The following SLCO3A1 variants were observed in gnomAD, a reference collection of about 807,000 sequenced individuals.
SLCO3A1 encodes the protein PGE1 transporter.
In SLCO3A1, 27 loss-of-function variants were observed where a neutral mutation model predicts 63.1. The observed-to-expected ratio is 0.43, with a 90% CI of 0.32 to 0.59. SLCO3A1 has a LOEUF of 0.59. Among genes scored for constraint, SLCO3A1 ranks in the 20% least tolerant of loss-of-function variants. SLCO3A1 has a pLI of 0.09. For missense variants in SLCO3A1, 773 were observed against 945.8 expected (o/e 0.82, Z 2.40); for synonymous variants, 473 against 409.9 (o/e 1.15, Z -1.86).
chr15:91,981,233 G>A (rs2045980295), intron 2 of SLCO3A1, among the ~76,000 whole-genome samples: 1 of 152,160 alleles, frequency 6.6e-6, no homozygotes, highest in Non-Finnish European at 1.5e-5. Flanking sequence ...TCCTTGCTCT[G>A]CCAGCCAGGG....
intron 7 of SLCO3A1, among the ~76,000 whole-genome samples, chr15:92,137,060 T>G (rs1311338667): frequency 6.7e-6 from 1 of 148,684 alleles, no homozygotes; most frequent in African/African-American, 2.5e-5. Flanking sequence ...GCCATGCTGG[T>G]GCGCTGCACC....
chr15:91,915,960 A>C, intron 1 of SLCO3A1, 33 bp from the exon 2 acceptor site: 1 of 1,560,976 alleles, frequency 6.4e-7, no homozygotes, highest in Non-Finnish European at 8.8e-7. Flanking sequence ...ATCTTCTTGG[A>C]TTGGCTCTGA....
chr15:92,068,792 T>C (rs1389346269), intron 2 of SLCO3A1, among the ~76,000 whole-genome samples: 1 of 152,206 alleles, frequency 6.6e-6, no homozygotes, highest in African/African-American at 2.4e-5. Context: ...GCTCCTCTTT[T>C]GAGCTACCTG....
At chr15:92,046,289 T>G (rs1400895661) in intron 2 of SLCO3A1, among the ~76,000 whole-genome samples, 1 of 151,736 alleles carries the variant, frequency 6.6e-6, no homozygotes, top group African/African-American at 2.4e-5. Flanking sequence ...CCGAGACGGA[T>G]GGGTCACTTG....
intron 2 of SLCO3A1, among the ~76,000 whole-genome samples, chr15:91,974,006 G>A (rs888258962): frequency 4.6e-5 from 7 of 152,154 alleles, no homozygotes; most frequent in Admixed American, 1.3e-4. Context: ...TGTGAGCCAG[G>A]CCTATTGGTA....
At chr15:92,077,254 T>G (rs149080375) in intron 2 of SLCO3A1, among the ~76,000 whole-genome samples, 2,000 of 152,186 alleles carry the variant, frequency 0.013, 42 homozygotes, top group African/African-American at 0.044. Flanking sequence ...AGCGAAACCA[T>G]ATCAGGGAGG....
chr15:92,147,786 T>C (rs734386), intron 8 of SLCO3A1, among the ~76,000 whole-genome samples: 61,672 of 152,064 alleles, frequency 0.41, 12,731 homozygotes, highest in Admixed American at 0.44. Context: ...GTGAAGTGCC[T>C]CAAAGAAAGA....
intron 2 of SLCO3A1, among the ~76,000 whole-genome samples, chr15:92,062,925 A>C (rs1364829347): frequency 6.6e-6 from 1 of 152,214 alleles, no homozygotes; most frequent in Non-Finnish European, 1.5e-5. Flanking sequence ...GTCAGAAGGT[A>C]CAGCTCTGTG....
intron 4 of SLCO3A1, among the ~76,000 whole-genome samples, chr15:92,107,801 G>T (rs563654673): frequency 6.6e-6 from 1 of 152,336 alleles, no homozygotes; most frequent in East Asian, 1.9e-4. Context: ...TAGGAGAGAA[G>T]GGGGCTGTCT....
chr15:91,968,337 C>T lies in SLCO3A1; in HGVS notation c.646+51879C>T, dbSNP rs1395791976. On this transcript the variant is annotated intron_variant, in intron 2 of 9. Transcript: ENST00000318445. The surrounding 1 kb of genome is among the most constrained non-coding windows in gnomAD (Gnocchi z 4.2). ...GGCATCATTAAAATGACTTTCTAGT[C>T]TCCTGCGAGCTTTCTCTCAAGTAGA... is the stretch of plus-strand genomic sequence containing the variant. 6.6e-6 allele frequency among the ~76,000 whole-genome samples: 1 copy of T among 152,106 alleles called. No individual in the cohort carries two copies. The highest frequency in any genetic ancestry group is 1.5e-5 in the Non-Finnish European group (1 of 68,028).
intron 2 of SLCO3A1, among the ~76,000 whole-genome samples, chr15:92,027,370 A>G (rs2046587970): frequency 1.3e-5 from 2 of 152,246 alleles, no homozygotes; most frequent in Non-Finnish European, 2.9e-5. Context: ...ATGCCTTTAC[A>G]TACGTTGTCC....
chr15:91,927,235 G>A (rs962432786), intron 2 of SLCO3A1, among the ~76,000 whole-genome samples: 1 of 152,026 alleles, frequency 6.6e-6, no homozygotes, highest in Non-Finnish European at 1.5e-5. Context: ...GGGTGTTTTG[G>A]GTAATATTCA....
intron 7 of SLCO3A1, among the ~76,000 whole-genome samples, chr15:92,131,877 C>G (rs918767869): frequency 2.1e-5 from 3 of 146,074 alleles, no homozygotes; most frequent in African/African-American, 7.4e-5. Context: ...CCTGCAAACC[C>G]CTATTGCCCC....
intron 2 of SLCO3A1, among the ~76,000 whole-genome samples, chr15:91,996,423 T>C (rs2046192669): frequency 6.6e-6 from 1 of 152,088 alleles, no homozygotes; most frequent in South Asian, 2.1e-4. Context: ...TGCCCAAATA[T>C]ACCTGTAATT....
intron 2 of SLCO3A1, among the ~76,000 whole-genome samples, chr15:91,987,917 G>C (rs1466273006): frequency 6.6e-6 from 1 of 151,980 alleles, no homozygotes; most frequent in Non-Finnish European, 1.5e-5. Flanking sequence ...AGGGGTCCTC[G>C]TGGCCACGTG....
At position 91,894,838 on chromosome 15, in the gene SLCO3A1, AC is replaced by A. The variant is rs1473256146; in HGVS notation, c.181-21154del. ...TGCTTCTGCCACACAGAGGCACAGA[AC>A]AGTGAAACCCCCGGAGGGACAGGGA... On this transcript the variant is annotated intron_variant, in intron 1 of 9. Transcript: ENST00000318445. This position sits in a 1 kb window ranked among gnomAD's most constrained non-coding sequence, Gnocchi z 4.8. Among the ~76,000 whole-genome samples the A allele has an allele frequency of 6.6e-6, 1 of 152,128 alleles. No individual in the cohort carries two copies. Among genetic ancestry groups the A allele is most frequent in the Non-Finnish European group, 1.5e-5 (1 of 68,006 alleles).
intron 9 of SLCO3A1, among the ~76,000 whole-genome samples, chr15:92,153,000 A>C (rs1372872602): frequency 6.6e-6 from 1 of 152,230 alleles, no homozygotes; most frequent in Non-Finnish European, 1.5e-5. Flanking sequence ...CTGAAAAGTT[A>C]ATGAAAATTG....
At position 91,890,909 on chromosome 15, in the gene SLCO3A1, A is replaced by G. The variant is rs144860786; in HGVS notation, c.181-25084A>G. On this transcript the variant is annotated intron_variant, in intron 1 of 9. Transcript: ENST00000318445. ...ATTGCTGGGTGGGGACTGCCCATTC[A>G]TTTTTAAGTAAAGGCTTTCTCCCTT... 3.6e-3 allele frequency among the ~76,000 whole-genome samples: 542 copies of G among 152,284 alleles called. 2 individuals carry two copies. The highest frequency in any genetic ancestry group is 0.012 in the African/African-American group (510 of 41,550).
chr15:92,105,870 A>T (rs1712918986), intron 4 of SLCO3A1, among the ~76,000 whole-genome samples: 1 of 152,218 alleles, frequency 6.6e-6, no homozygotes, highest in Non-Finnish European at 1.5e-5. Flanking sequence ...GACATTTCCT[A>T]GCAGTGAAAG....
Sources: allele counts gnomAD v4.1 joint callset (sites outside exome capture counted in the v4.1 genomes callset), GRCh38; gene constraint gnomAD v4.1.1; non-coding constraint Gnocchi (gnomAD v3.1); transcripts MANE v1.5; gene names NCBI Gene and HGNC (gene_info 2026-07-23, HGNC 2026-07-21).